BEND7: variants seen among roughly 807,000 people sequenced by gnomAD.
BEND7 encodes the protein BEN domain-containing protein 7.
Under a neutral mutation model 50.9 loss-of-function variants are expected in BEND7, and 28 were observed. The observed-to-expected ratio is 0.55, with a 90% CI of 0.41 to 0.75. The LOEUF is 0.75. BEND7 is among the 30% of genes least tolerant of loss of function. The pLI is 0.00. For synonymous variants in BEND7, 170 were observed against 183.9 expected (o/e 0.92, Z 0.61); for missense variants, 477 against 491.3 (o/e 0.97, Z 0.28).
In BEND7 at chr10:13,441,398, G is replaced by T; in HGVS notation, c.*345C>A. ...ATTTTAATTTACAAAATATGATTTTGCTGTTGCAGTTTTGATACGTATTTC... is the reference window on the plus strand; with the variant it reads ...ATTTTAATTTACAAAATATGATTTTTCTGTTGCAGTTTTGATACGTATTTC... On this transcript the variant is annotated 3_prime_UTR_variant, in exon 9 of 9. Transcript: ENST00000466271. 9.0e-7 allele frequency: 1 copy of T among 1,116,948 alleles called. No individual in the cohort carries two copies. Among genetic ancestry groups the T allele is most frequent in the Non-Finnish European group, 1.1e-6 (1 of 915,924 alleles). 69.2% of individuals were successfully genotyped at this position (1,116,948 alleles called of 1,614,324 possible). A position where few individuals can be genotyped will look rare whatever the true frequency, so the allele number is the denominator to read the frequency against.
chr10:13,479,710 A>G (rs1042087921), intron 6 of BEND7, among the ~76,000 whole-genome samples: 3 of 152,312 alleles, frequency 2.0e-5, no homozygotes, highest in South Asian at 4.1e-4. Flanking sequence ...ACAGTTTGTG[A>G]TATCTCTGTA....
rs1655572668 is a variant in BEND7 at position 13,492,502 on chromosome 10, C to T, written c.837+109G>A. On this transcript the variant is annotated intron_variant, in intron 5 of 8. Coordinates refer to ENST00000466271, the MANE Select transcript of BEND7 (RefSeq NM_001369863.1). ...ACCAGTCTTCTTTTCTTCTTTCCCA[C>T]ATATAGTCTGCAAGTTTCTCTAGTT... The T allele has an allele frequency of 5.1e-6, 7 of 1,374,654 alleles. No homozygotes were observed. The Admixed American group carries it at 9.0e-5, about 18-fold the overall frequency. The allele number at this position is 1,374,654 out of a possible 1,614,324, so 85.2% of individuals were successfully genotyped here.
chr10:13,501,845 CAAA>C (rs11297588), intron 2 of BEND7, among the ~76,000 whole-genome samples: 1 of 141,870 alleles, frequency 7.0e-6, no homozygotes, highest in Non-Finnish European at 1.5e-5. Flanking sequence ...GACCCTGTCT[CAAA>C]AAAAAAAAAA....
intron 5 of BEND7, among the ~76,000 whole-genome samples, chr10:13,488,681 G>A (rs1355608953): frequency 2.0e-5 from 3 of 152,104 alleles, no homozygotes; most frequent in Non-Finnish European, 2.9e-5. Flanking sequence ...TAGAGACGGG[G>A]TTTCACCATG....
chr10:13,510,908 T>C (rs921830918), intron 2 of BEND7, among the ~76,000 whole-genome samples: 23 of 151,050 alleles, frequency 1.5e-4, no homozygotes, highest in African/African-American at 5.6e-4. Context: ...CCGGGCACAG[T>C]GGCTCACGCC....
chr10:13,491,311 TAAAA>T (rs757106538), intron 5 of BEND7, among the ~76,000 whole-genome samples: 2 of 97,400 alleles, frequency 2.1e-5, no homozygotes, highest in African/African-American at 4.0e-5. Context: ...AGACTCTGTC[TAAAA>T]AAAAAAAAAA....
At chr10:13,506,832 G>A (rs922215444) in intron 2 of BEND7, among the ~76,000 whole-genome samples, 1 of 152,116 alleles carries the variant, frequency 6.6e-6, no homozygotes, top group Non-Finnish European at 1.5e-5. Flanking sequence ...TTTGCTGGGG[G>A]TGGAGGCGGG....
chr10:13,475,266 C>A (rs1035609180), intron 6 of BEND7, among the ~76,000 whole-genome samples: 1 of 152,148 alleles, frequency 6.6e-6, no homozygotes, highest in African/African-American at 2.4e-5. Context: ...GTAATTATAT[C>A]CTGTTTTAAG....
chr10:13,528,507 G>A lies in BEND7; in HGVS notation c.27C>T (p.Ser9=). ...CCAGTTTGAAGCTCTGGGATTTCCTGCTTCTTTTCCTCTCGGAGAACTCCA... is the reference window on the plus strand; with the variant it reads ...CCAGTTTGAAGCTCTGGGATTTCCTACTTCTTTTCCTCTCGGAGAACTCCA... MEFSERKR[S]RKSQSFKLVS... The change falls in exon 1 of 9, where the codon AGC becomes AGT. Residue 9 remains serine, a synonymous_variant. Coordinates refer to ENST00000466271, the MANE Select transcript of BEND7 (RefSeq NM_001369863.1). 9.6e-7 allele frequency: 1 copy of A among 1,039,718 alleles called. No individual in the cohort carries two copies. 64.4% of individuals were successfully genotyped at this position (1,039,718 alleles called of 1,614,324 possible). A position where few individuals can be genotyped will look rare whatever the true frequency, so the allele number is the denominator to read the frequency against.
chr10:13,458,095 T>C (rs1351093360), intron 6 of BEND7, among the ~76,000 whole-genome samples: 1 of 152,226 alleles, frequency 6.6e-6, no homozygotes, highest in African/African-American at 2.4e-5. Context: ...ACAGGGCGTA[T>C]GTTAAGTCAC....
intron 5 of BEND7, among the ~76,000 whole-genome samples, chr10:13,482,104 C>T (rs910745381): frequency 2.0e-5 from 3 of 152,178 alleles, no homozygotes; most frequent in African/African-American, 7.2e-5. Context: ...CTATTTCTTA[C>T]ACTGTATTAG....
chr10:13,438,873 T>C (rs1835033674), downstream of BEND7: 2 of 332,332 alleles, frequency 6.0e-6, no homozygotes, highest in African/African-American at 4.2e-5. Flanking sequence ...GACCCTCCTC[T>C]CAATCTTGGG....
At chr10:13,462,756 G>A (rs2073839884) in intron 6 of BEND7, among the ~76,000 whole-genome samples, 1 of 152,188 alleles carries the variant, frequency 6.6e-6, no homozygotes, top group Non-Finnish European at 1.5e-5. Context: ...AGAGAGAGTA[G>A]ATGAAAAGTC....
intron 6 of BEND7, among the ~76,000 whole-genome samples, chr10:13,461,398 C>T (rs747278951): frequency 2.6e-5 from 4 of 152,172 alleles, no homozygotes; most frequent in Non-Finnish European, 4.4e-5. Context: ...CGAGCAAGCT[C>T]TGTCCAGACT....
intron 2 of BEND7, among the ~76,000 whole-genome samples, chr10:13,520,999 C>T (rs1049823766): frequency 6.6e-6 from 1 of 152,164 alleles, no homozygotes; most frequent in Non-Finnish European, 1.5e-5. Flanking sequence ...ATTTTTCGGT[C>T]CTAGAGTATA....
At chr10:13,498,594 T>C (rs2077207502) in intron 3 of BEND7, among the ~76,000 whole-genome samples, 1 of 152,236 alleles carries the variant, frequency 6.6e-6, no homozygotes, top group Non-Finnish European at 1.5e-5. Flanking sequence ...TCTTCCATGG[T>C]AGTAGAGTTA....
At chr10:13,472,965 G>A (rs1471195577) in intron 6 of BEND7, among the ~76,000 whole-genome samples, 14 of 150,444 alleles carry the variant, frequency 9.3e-5, no homozygotes, top group African/African-American at 1.5e-4. Flanking sequence ...GTCGATACCC[G>A]TCATTGCTCT....
At chr10:13,488,203 CTATT>C (rs745982637) in intron 5 of BEND7, among the ~76,000 whole-genome samples, 1 of 150,718 alleles carries the variant, frequency 6.6e-6, no homozygotes, top group Non-Finnish European at 1.5e-5. Context: ...TTACTGGAGA[CTATT>C]TATAGTAACT....
At chr10:13,493,190 A>C (rs2076793031) in intron 4 of BEND7, among the ~76,000 whole-genome samples, 1 of 152,234 alleles carries the variant, frequency 6.6e-6, no homozygotes, top group Non-Finnish European at 1.5e-5. Context: ...GGCTTTATAA[A>C]TCATAGGATG....
Sources: gnomAD v4.1 joint callset for allele counts (sites outside exome capture counted in the v4.1 genomes callset) on GRCh38, gnomAD v4.1.1 for gene constraint, MANE v1.5 for transcripts, NCBI Gene and HGNC (gene_info 2026-07-23, HGNC 2026-07-21) for gene names.